The following KDF1 variants were observed in gnomAD, a reference collection of about 807,000 sequenced individuals.
KDF1 encodes RP11-344H11.3.
In KDF1, 11 loss-of-function variants were observed where a neutral mutation model predicts 31.6. The observed-to-expected ratio is 0.35, with a 90% CI of 0.22 to 0.58. The LOEUF (loss-of-function observed/expected upper bound fraction) is 0.58, where lower values mean the gene tolerates loss of function less well. Ranked by LOEUF, KDF1 falls within the 20% of genes least tolerant of loss-of-function variation. The pLI is 0.83. For synonymous variants in KDF1, 205 were observed against 214.4 expected, an observed-to-expected ratio of 0.96 and a Z score of 0.38; for missense variants, 476 against 549.1, an observed-to-expected ratio of 0.87 and a Z score of 1.33.
At position 26,952,361 on chromosome 1, in the gene KDF1, G is replaced by A; in HGVS notation, c.20C>T (p.Pro7Leu). Residue 7 changes from proline to leucine, a missense_variant, in exon 2 of 4, where the codon CCC becomes CTC. Physicochemically the swap from Pro to Leu is moderately conservative, Grantham distance 98. Coordinates refer to ENST00000320567, the MANE Select transcript of KDF1 (RefSeq NM_152365.3). This position sits in a 1 kb window ranked among gnomAD's most constrained non-coding sequence, Gnocchi z 4.1. ...GCGTGGAGGCCCAGATGCTGGGCGG[G>A]GGTGTCCAGGGCGGGGCATGGCTCA... Reference protein sequence around the residue: MPRPGHPRPASGPPRLG... With the variant: MPRPGHLRPASGPPRLG... 1.3e-6 allele frequency: 2 copies of A among 1,512,094 alleles called. No individual in the cohort carries two copies. Among genetic ancestry groups the A allele is most frequent in the Non-Finnish European group, 1.8e-6 (2 of 1,133,840 alleles). The allele number at this position is 1,512,094 out of a possible 1,614,324, so 93.7% of individuals were successfully genotyped here. A position where few individuals can be genotyped will look rare whatever the true frequency, so the allele number is the denominator to read the frequency against.
rs1239918421 is a variant in KDF1 at position 26,952,090 on chromosome 1, A to G, written c.291T>C (p.Asp97=). ...CACAGGCTCCACAGCGCTGGAGGCA[A>G]TCCCGGCAGCGGCGGAAGCAGAAGG... ...RAAFCFRRCR[D]CLQRCGACVR... The change falls in exon 2 of 4, where the codon GAT becomes GAC. Residue 97 remains aspartate, a synonymous_variant. Coordinates refer to ENST00000320567, the MANE Select transcript of KDF1 (RefSeq NM_152365.3). This position sits in a 1 kb window ranked among gnomAD's most constrained non-coding sequence, Gnocchi z 4.1. 2 of 1,613,378 alleles carry G rather than the reference A, an allele frequency of 1.2e-6. No individual in the cohort carries two copies. The highest frequency in any genetic ancestry group is 2.2e-5 in the South Asian group (2 of 91,086).
chr1:26,958,368 C>G (rs1275313983), intron 1 of KDF1, among the ~76,000 whole-genome samples: 1 of 151,154 alleles, frequency 6.6e-6, no homozygotes, highest in African/African-American at 2.4e-5. Flanking sequence ...CTCCTGACCT[C>G]GTGATCCACC....
chr1:26,952,140 A>T lies in KDF1; in HGVS notation c.241T>A (p.Trp81Arg). 1 of 1,613,578 alleles carries T rather than the reference A, an allele frequency of 6.2e-7. No individual in the cohort carries two copies. Among genetic ancestry groups the T allele is most frequent in the Non-Finnish European group, 8.5e-7 (1 of 1,179,908 alleles). ...SPTCCLLWRP[W>R]VWEWCRAAFC... ...GCAGCCCGGCACCACTCCCACACCCAGGGTCGCCAGAGCAGGCAGCAGGTG... is the reference window on the plus strand; with the variant it reads ...GCAGCCCGGCACCACTCCCACACCCTGGGTCGCCAGAGCAGGCAGCAGGTG... The change falls in exon 2 of 4, where the codon TGG becomes AGG. Residue 81 changes from tryptophan to arginine, a missense_variant. Around this residue, in one of 2 missense-constraint regions of KDF1, gnomAD observed 330 missense variants for 332.3 expected, o/e 0.99. Coordinates refer to ENST00000320567, the MANE Select transcript of KDF1 (RefSeq NM_152365.3). The surrounding 1 kb of genome is among the most constrained non-coding windows in gnomAD (Gnocchi z 4.1).
At chr1:26,955,581 T>G (rs1432440688) in intron 1 of KDF1, among the ~76,000 whole-genome samples, 2 of 152,220 alleles carry the variant, frequency 1.3e-5, no homozygotes, top group Admixed American at 1.3e-4. Context: ...CTGGGTACCG[T>G]AGAACCAAAG....
intron 1 of KDF1, among the ~76,000 whole-genome samples, chr1:26,954,780 C>A (rs1365229562): frequency 6.8e-6 from 1 of 146,468 alleles, no homozygotes; most frequent in Non-Finnish European, 1.5e-5. Context: ...TTGAAGTGAG[C>A]CGAGATGGCG....
In KDF1 at chr1:26,950,085, A is replaced by G; in HGVS notation, c.1181T>C (p.Leu394Pro). The G allele has an allele frequency of 6.2e-7, 1 of 1,613,872 alleles. No individual in the cohort carries two copies. Among genetic ancestry groups the G allele is most frequent in the Non-Finnish European group, 8.5e-7 (1 of 1,179,806 alleles). Reference sequence around the variant, plus strand: ...TGGCAGGGGTTAGCAGTACACCTGGAGCAAGGGTGCCCCCGACGAGTCTGT... The same window carrying G: ...TGGCAGGGGTTAGCAGTACACCTGGGGCAAGGGTGCCCCCGACGAGTCTGT... ...TDTDSSGAPL[L>P]QVYC is the part of the protein sequence containing the mutation. The change falls in exon 4 of 4, where the codon CTC becomes CCC. Residue 394 changes from leucine to proline, a missense_variant. Transcript: ENST00000320567. The surrounding 1 kb of genome is among the most constrained non-coding windows in gnomAD (Gnocchi z 4.0).
In KDF1 at chr1:26,950,246, G is replaced by A; in HGVS notation, c.1115-95C>T. ...GAGAAGCCTGCTGAGAAGGAGCAGA[G>A]TGGGACTTGAGCCTGGGTCAGTCTG... On this transcript the variant is annotated intron_variant, in intron 3 of 3. Transcript: ENST00000320567. This position sits in a 1 kb window ranked among gnomAD's most constrained non-coding sequence, Gnocchi z 4.0. 1 of 1,196,236 alleles carries A rather than the reference G, an allele frequency of 8.4e-7. No homozygotes were observed. The highest frequency in any genetic ancestry group is 1.2e-6 in the Non-Finnish European group (1 of 807,894). The allele number at this position is 1,196,236 out of a possible 1,614,324, so 74.1% of individuals were successfully genotyped here.
At position 26,950,870 on chromosome 1, in the gene KDF1, G is replaced by A. The variant is rs1195074496; in HGVS notation, c.1040-114C>T. On this transcript the variant is annotated intron_variant, in intron 2 of 3. Transcript: ENST00000320567. This position sits in a 1 kb window ranked among gnomAD's most constrained non-coding sequence, Gnocchi z 4.0. ...AGCCACTCACTCCTGGGCAGGGCTAGAAAAATAATGCTTAAAGACAGAGAC... is the reference window on the plus strand; with the variant it reads ...AGCCACTCACTCCTGGGCAGGGCTAAAAAAATAATGCTTAAAGACAGAGAC... 2.3e-6 allele frequency: 2 copies of A among 864,122 alleles called. No individual in the cohort carries two copies. The highest frequency in any genetic ancestry group is 3.8e-6 in the Non-Finnish European group (2 of 530,124). The allele number at this position is 864,122 out of a possible 1,614,324, so 53.5% of individuals were successfully genotyped here.
At position 26,951,962 on chromosome 1, in the gene KDF1, C is replaced by G; in HGVS notation, c.419G>C (p.Arg140Pro). 6.2e-7 allele frequency: 1 copy of G among 1,606,020 alleles called. No homozygotes were observed. The highest frequency in any genetic ancestry group is 8.5e-7 in the Non-Finnish European group (1 of 1,174,438). Residue 140 changes from arginine (R) to proline (P), a missense_variant, in exon 2 of 4, where the codon CGT becomes CCT. By Grantham distance (103) the Arg-to-Pro change is moderately radical. This residue lies in a region of KDF1 where 330 missense variants were observed against 332.3 expected (regional missense o/e 0.99). Coordinates refer to ENST00000320567, the MANE Select transcript of KDF1 (RefSeq NM_152365.3). The surrounding 1 kb of genome is among the most constrained non-coding windows in gnomAD (Gnocchi z 5.4). ...GCCATCCCGCCGGCTGGGGGGTGCA[C>G]GATCAGGGCTGGGGGGCACTCCATT... is the stretch of plus-strand genomic sequence containing the variant. ...EHNGVPPSPD[R>P]APPSRRDGQR...
intron 1 of KDF1, among the ~76,000 whole-genome samples, chr1:26,959,871 C>T (rs2082393451): frequency 6.6e-6 from 1 of 152,184 alleles, no homozygotes; most frequent in African/African-American, 2.4e-5. Context: ...AAAGGTGCAG[C>T]CCGAGAGTCC....
At chr1:26,957,094 T>C (rs748734399) in intron 1 of KDF1, among the ~76,000 whole-genome samples, 8 of 151,952 alleles carry the variant, frequency 5.3e-5, no homozygotes, top group Non-Finnish European at 7.4e-5. Context: ...GCCCCACTAG[T>C]TTTTTGTTTT....
Position 26,952,504 on chromosome 1 carries a change from A to G in KDF1, c.-32-92T>C, listed in dbSNP as rs1218605214. 6.9e-6 allele frequency: 7 copies of G among 1,012,374 alleles called. No individual in the cohort carries two copies. Among genetic ancestry groups the G allele is most frequent in the Non-Finnish European group, 9.7e-6 (7 of 720,860 alleles). The allele number at this position is 1,012,374 out of a possible 1,614,324, so 62.7% of individuals were successfully genotyped here. A position where few individuals can be genotyped will look rare whatever the true frequency, so the allele number is the denominator to read the frequency against. Reference sequence around the variant, plus strand: ...AGCAGCTTCACATTTCTAGTTTCTGAGAGGCCTGGGATGTGGATGGACCCA... The same window carrying G: ...AGCAGCTTCACATTTCTAGTTTCTGGGAGGCCTGGGATGTGGATGGACCCA... On this transcript the variant is annotated intron_variant, in intron 1 of 3. Transcript: ENST00000320567. The surrounding 1 kb of genome is among the most constrained non-coding windows in gnomAD (Gnocchi z 4.1).
intron 1 of KDF1, among the ~76,000 whole-genome samples, chr1:26,959,692 C>G (rs1028130112): frequency 1.3e-5 from 2 of 151,768 alleles, no homozygotes; most frequent in East Asian, 3.9e-4. Context: ...CACACACACT[C>G]AAGGGTCTAT....
At position 26,952,268 on chromosome 1, in the gene KDF1, G is replaced by A; in HGVS notation, c.113C>T (p.Pro38Leu). The change falls in exon 2 of 4, where the codon CCA becomes CTA. Residue 38 changes from proline (P) to leucine (L), a missense_variant. Pro to Leu is a moderately conservative substitution (Grantham distance 98). Transcript: ENST00000320567. This position sits in a 1 kb window ranked among gnomAD's most constrained non-coding sequence, Gnocchi z 4.1. Reference protein sequence around the residue: ...ETYDKPPQPPPSRRTRRPDPK... With the variant: ...ETYDKPPQPPLSRRTRRPDPK... ...GTCTGGTCTACGGGTGCGGCGGCTT[G>A]GTGGGGGCTGAGGTGGTTTATCATA... 2 of 1,579,250 alleles carry A rather than the reference G, an allele frequency of 1.3e-6. No individual in the cohort carries two copies. Among genetic ancestry groups the A allele is most frequent in the Non-Finnish European group, 1.7e-6 (2 of 1,161,322 alleles).
rs1162000965 is a variant in KDF1 at position 26,952,707 on chromosome 1, G to A, written c.-32-295C>T. Among the ~76,000 whole-genome samples the A allele has an allele frequency of 1.3e-5, 2 of 152,200 alleles. No individual in the cohort carries two copies. Among genetic ancestry groups the A allele is most frequent in the African/African-American group, 2.4e-5 (1 of 41,440 alleles). On this transcript the variant is annotated intron_variant, in intron 1 of 3. Coordinates refer to ENST00000320567, the MANE Select transcript of KDF1 (RefSeq NM_152365.3). This position sits in a 1 kb window ranked among gnomAD's most constrained non-coding sequence, Gnocchi z 4.1. ...ATGAAAGGTTGAACATTGGCCGGGC[G>A]TGGTGGCTCACGCCTGTAATCCCAG...
intron 1 of KDF1, among the ~76,000 whole-genome samples, chr1:26,957,270 T>TA (rs1557688248): frequency 6.6e-6 from 1 of 152,130 alleles, no homozygotes; most frequent in Non-Finnish European, 1.5e-5. Context: ...TACAACTCTT[T>TA]AACCTACTCT....
At chr1:26,954,835 C>CA (rs111644194) in intron 1 of KDF1, among the ~76,000 whole-genome samples, 3,677 of 66,190 alleles carry the variant, frequency 0.056, 253 homozygotes, top group African/African-American at 0.18. Flanking sequence ...GACTCTGTCT[C>CA]AAAAAAAAAA....
chr1:26,960,159 C>A lies in KDF1; in HGVS notation c.-33+191G>T, dbSNP rs747541487. On this transcript the variant is annotated intron_variant, in intron 1 of 3. Coordinates refer to ENST00000320567, the MANE Select transcript of KDF1 (RefSeq NM_152365.3). This position sits in a 1 kb window ranked among gnomAD's most constrained non-coding sequence, Gnocchi z 4.9. Reference sequence around the variant, plus strand: ...CCCTAAGGGCGAACGCGGCCCCTCACCCCATTCTGCGCGCCCAGCCCGGGC... The same window carrying A: ...CCCTAAGGGCGAACGCGGCCCCTCAACCCATTCTGCGCGCCCAGCCCGGGC... 2.0e-5 allele frequency among the ~76,000 whole-genome samples: 3 copies of A among 152,156 alleles called. No individual in the cohort carries two copies. The highest frequency in any genetic ancestry group is 2.9e-5 in the Non-Finnish European group (2 of 68,006).
chr1:26,958,725 G>A (rs1299156042), intron 1 of KDF1, among the ~76,000 whole-genome samples: 4 of 152,292 alleles, frequency 2.6e-5, no homozygotes, highest in South Asian at 2.1e-4. Context: ...TGGGAGAAAA[G>A]AGGCAGTCAA....
Sources: gnomAD v4.1 joint callset for allele counts (sites outside exome capture counted in the v4.1 genomes callset) on GRCh38, gnomAD v4.1.1 for gene constraint, gnomAD v4.1.1 regional missense constraint, Gnocchi (gnomAD v3.1) non-coding constraint, MANE v1.5 for transcripts, NCBI Gene and HGNC (gene_info 2026-07-23, HGNC 2026-07-21) for gene names.